USP1: variants seen among roughly 807,000 people sequenced by gnomAD.
USP1 encodes the protein ubiquitin specific peptidase 1, also known as ubiquitin carboxyl-terminal hydrolase 1.
Under a neutral mutation model 72.2 loss-of-function variants are expected in USP1, and 18 were observed. The observed-to-expected ratio is 0.25, with a 90% CI of 0.17 to 0.37. The LOEUF is 0.37. Among genes scored for constraint, USP1 ranks in the 10% least tolerant of loss-of-function variants. USP1 has a pLI of 1.00. For missense variants in USP1, 759 were observed against 884.9 expected (o/e 0.86, Z 1.81); for synonymous variants, 354 against 303.7 (o/e 1.17, Z -1.72).
At position 62,450,596 on chromosome 1, in the gene USP1, T is replaced by C. The variant is rs1645208201; in HGVS notation, c.1973T>C (p.Leu658Ser). The C allele has an allele frequency of 6.2e-7, 1 of 1,613,816 alleles. No homozygotes were observed. The highest frequency in any genetic ancestry group is 1.3e-5 in the African/African-American group (1 of 74,902). The change falls in exon 9 of 9, where the codon TTG becomes TCG. Residue 658 changes from leucine to serine, a missense_variant. Leu to Ser is a moderately radical substitution (Grantham distance 145). Around this residue, in one of 9 missense-constraint regions of USP1, gnomAD observed 159 missense variants for 140.9 expected, o/e 1.13. Transcript: ENST00000339950. ...GGAAATACACAGCCAAGTAAAGTTT[T>C]GAACAAAAAAAATGTAGAAGCTATT... is the stretch of plus-strand genomic sequence containing the variant. Reference protein sequence around the residue: ...VGGNTQPSKVLNKKNVEAIGL... With the variant: ...VGGNTQPSKVSNKKNVEAIGL...
At chr1:62,446,390 A>G (rs775275499) in intron 6 of USP1, among the ~76,000 whole-genome samples, 3 of 152,220 alleles carry the variant, frequency 2.0e-5, no homozygotes, top group Non-Finnish European at 4.4e-5. Context: ...AAGAAAGTTT[A>G]TGAATTTGTT....
Position 62,437,091 on chromosome 1 carries a change from C to A in USP1, c.-379C>A, listed in dbSNP as rs558655749. The A allele has an allele frequency of 1.8e-5, 7 of 398,768 alleles. No individual in the cohort carries two copies. The highest frequency in any genetic ancestry group is 2.1e-5 in the African/African-American group (1 of 48,606). The allele number at this position is 398,768 out of a possible 1,614,324, so 24.7% of individuals were successfully genotyped here. On this transcript the variant is annotated 5_prime_UTR_variant, in exon 1 of 9. Transcript: ENST00000339950. ...CCCTCGGTGGCGGAGTGCTAAAGAC[C>A]CTAGCGGTTCAGGCGTTCGGCGAGC...
At chr1:62,442,382 TG>T (rs1193026993) in intron 4 of USP1, 83 bp downstream of exon 4, 27 of 940,290 alleles carry the variant, frequency 2.9e-5, no homozygotes, top group Non-Finnish European at 3.0e-5. Context: ...TGAAGAGGAC[TG>T]GGGGGGTGGA....
chr1:62,437,108 T>C lies in USP1; in HGVS notation c.-362T>C. On this transcript the variant is annotated 5_prime_UTR_variant, in exon 1 of 9. Transcript: ENST00000339950. Reference sequence around the variant, plus strand: ...CTAAAGACCCTAGCGGTTCAGGCGTTCGGCGAGCGGGGCCGCTGCTTGTTG... The same window carrying C: ...CTAAAGACCCTAGCGGTTCAGGCGTCCGGCGAGCGGGGCCGCTGCTTGTTG... The C allele has an allele frequency of 2.5e-6, 1 of 399,070 alleles. No individual in the cohort carries two copies. Among genetic ancestry groups the C allele is most frequent in the Non-Finnish European group, 4.4e-6 (1 of 226,128 alleles). 24.7% of individuals were successfully genotyped at this position (399,070 alleles called of 1,614,324 possible). A position where few individuals can be genotyped will look rare whatever the true frequency, so the allele number is the denominator to read the frequency against.
At chr1:62,440,096 G>T in intron 2 of USP1, 59 bp downstream of exon 2, 1 of 1,343,750 alleles carries the variant, frequency 7.4e-7, no homozygotes, top group Non-Finnish European at 9.7e-7. Flanking sequence ...AGTGAACTTG[G>T]TTGACAACTC....
rs185715342 is a variant in USP1, at chr1:62,439,258, C to G, written c.-69-541C>G. 4.3e-4 allele frequency among the ~76,000 whole-genome samples: 65 copies of G among 152,254 alleles called. 1 individual carries two copies. Among genetic ancestry groups the G allele is most frequent in the Non-Finnish European group, 2.9e-5 (2 of 68,024 alleles). ...GGAGTGCAATGGCACGATCTCGGCTCACTGCAGCCTCCGCCTCCCGGATTC... is the reference window on the plus strand; with the variant it reads ...GGAGTGCAATGGCACGATCTCGGCTGACTGCAGCCTCCGCCTCCCGGATTC... On this transcript the variant is annotated intron_variant, in intron 1 of 8. Transcript: ENST00000339950.
rs781657972 is a variant in USP1 at position 62,450,307 on chromosome 1, T to C, written c.1684T>C (p.Leu562=). The change falls in exon 9 of 9, where the codon TTG becomes CTG. Residue 562 remains leucine (L), a synonymous_variant. Coordinates refer to ENST00000339950, the MANE Select transcript of USP1 (RefSeq NM_003368.5). ...CACTCCTTTATTGACACCTCTTAAA[T>C]TGTCACTAGAAGAATGGAGCACAAA... is the stretch of plus-strand genomic sequence containing the variant. ...INTPLLTPLK[L]SLEEWSTKPT... is the part of the protein sequence containing the mutation. 1 of 1,614,186 alleles carries C rather than the reference T, an allele frequency of 6.2e-7. No homozygotes were observed. Among genetic ancestry groups the C allele is most frequent in the East Asian group, 2.2e-5 (1 of 44,872 alleles).
rs759637366 is a variant in USP1, at chr1:62,448,478, A to C, written c.1434A>C (p.Pro478=). Residue 478 remains proline (P), a synonymous_variant, in exon 8 of 9, where the codon CCA becomes CCC. Transcript: ENST00000339950. ...VEESSEISPE[P]KTEMKTLRWA... ...TCTCTTTTTTAGTTTCTCCAGAGCC[A>C]AAAACAGAAATGAAGACCCTGAGAT... The C allele has an allele frequency of 8.7e-6, 14 of 1,613,442 alleles. No homozygotes were observed. Among genetic ancestry groups the C allele is most frequent in the Non-Finnish European group, 1.1e-5 (13 of 1,179,644 alleles).
chr1:62,445,237 T>A lies in USP1; in HGVS notation c.1057T>A (p.Ser353Thr), dbSNP rs771085597. ...KSATKQPSIL[S>T]KFCSLGKITT... ...TGCAACTAAGCAACCCAGCATTCTT[T>A]CTAAATTTTGTAGTCTGGGAAAAAT... is the stretch of plus-strand genomic sequence containing the variant. Residue 353 changes from serine (S) to threonine (T), a missense_variant, in exon 6 of 9, where the codon TCT (serine) becomes ACT (threonine). Around this residue, in one of 9 missense-constraint regions of USP1, gnomAD observed 245 missense variants for 240.7 expected, o/e 1.02. Transcript: ENST00000339950. 6.2e-7 allele frequency: 1 copy of A among 1,611,900 alleles called. No homozygotes were observed. The highest frequency in any genetic ancestry group is 2.2e-5 in the East Asian group (1 of 44,816).
At chr1:62,443,916 G>A (rs1362415712) in intron 5 of USP1, among the ~76,000 whole-genome samples, 1 of 152,102 alleles carries the variant, frequency 6.6e-6, no homozygotes. Flanking sequence ...AATCACTTAA[G>A]CATTTAGTTT....
At chr1:62,443,894 A>G (rs1310469344) in intron 5 of USP1, among the ~76,000 whole-genome samples, 1 of 152,200 alleles carries the variant, frequency 6.6e-6, no homozygotes, top group African/African-American at 2.4e-5. Context: ...TTATAGGGCA[A>G]GTCTTTAAAA....
At position 62,447,488 on chromosome 1, in the gene USP1, C is replaced by G. The variant is rs775270830; in HGVS notation, c.1397C>G (p.Ser466Cys). 2 of 1,613,758 alleles carry G rather than the reference C, an allele frequency of 1.2e-6. No individual in the cohort carries two copies. Among genetic ancestry groups the G allele is most frequent in the South Asian group, 2.2e-5 (2 of 91,018 alleles). The change falls in exon 7 of 9, where the codon TCC becomes TGC. Residue 466 changes from serine to cysteine, a missense_variant. Transcript: ENST00000339950. ...GTGCCAGTACAAGAAGATGAGCTTT[C>G]CAAAGTAGAGGAGAGTTCTGAAAGT... is the stretch of plus-strand genomic sequence containing the variant. ...ISVPVQEDEL[S>C]KVEESSEISP...
chr1:62,440,144 A>G, intron 2 of USP1, 107 bp downstream of exon 2: 1 of 1,021,680 alleles, frequency 9.8e-7, no homozygotes, highest in Non-Finnish European at 1.3e-6. Context: ...ACAAAAAAGT[A>G]CGCTTCAGTG....
At chr1:62,440,115 C>T in intron 2 of USP1, 78 bp downstream of exon 2, 2 of 1,278,102 alleles carry the variant, frequency 1.6e-6, no homozygotes, top group Non-Finnish European at 2.1e-6. Context: ...TCCAGTCTGA[C>T]TTGATAGTCT....
intron 4 of USP1, among the ~76,000 whole-genome samples, 194 bp downstream of exon 4, chr1:62,442,493 C>T (rs1283262112): frequency 1.3e-5 from 2 of 151,878 alleles, no homozygotes; most frequent in Non-Finnish European, 2.9e-5. Flanking sequence ...AATGTTTGCT[C>T]CTGTAATCTG....
intron 4 of USP1, 110 bp from the exon 5 acceptor site, chr1:62,443,049 G>A: frequency 8.8e-7 from 1 of 1,133,884 alleles, no homozygotes; most frequent in Non-Finnish European, 1.2e-6. Context: ...TAAAATTAGT[G>A]CTATTATGCA....
chr1:62,446,495 A>G (rs1039665153), intron 6 of USP1, among the ~76,000 whole-genome samples: 5 of 152,258 alleles, frequency 3.3e-5, no homozygotes, highest in Admixed American at 6.5e-5. Context: ...CTGTAGCACA[A>G]TGGTATTTGT....
chr1:62,440,975 C>T (rs1282596679), intron 2 of USP1, among the ~76,000 whole-genome samples: 1 of 151,426 alleles, frequency 6.6e-6, no homozygotes, highest in African/African-American at 2.4e-5. Context: ...CACCCACATT[C>T]TGAACATTTT....
At position 62,439,901 on chromosome 1, in the gene USP1, C is replaced by T. The variant is rs375546956; in HGVS notation, c.34C>T (p.Leu12Phe). The T allele has an allele frequency of 5.9e-6, 9 of 1,533,558 alleles. No individual in the cohort carries two copies. In the African/African-American group the frequency reaches 1.1e-4, roughly 19 times the overall value. The allele number at this position is 1,533,558 out of a possible 1,614,324, so 95.0% of individuals were successfully genotyped here. ...TGTCATACCTAGTGAAAGTAATGGACTTTCAAGAGGTAGCCCTTCAAAGAA... is the reference window on the plus strand; with the variant it reads ...TGTCATACCTAGTGAAAGTAATGGATTTTCAAGAGGTAGCCCTTCAAAGAA... The part of the protein sequence containing the change: ...PGVIPSESNG[L>F]SRGSPSKKNR... Residue 12 changes from leucine to phenylalanine, a missense_variant, in exon 2 of 9, where the codon CTT (leucine) becomes TTT (phenylalanine). Leu to Phe is a conservative substitution (Grantham distance 22). This residue lies in a region of USP1 where 86 missense variants were observed against 82.0 expected (regional missense o/e 1.05). Coordinates refer to ENST00000339950, the MANE Select transcript of USP1 (RefSeq NM_003368.5).
Sources: gnomAD v4.1 joint callset for allele counts (sites outside exome capture counted in the v4.1 genomes callset) on GRCh38, gnomAD v4.1.1 for gene constraint, gnomAD v4.1.1 regional missense constraint, MANE v1.5 for transcripts, NCBI Gene and HGNC (gene_info 2026-07-23, HGNC 2026-07-21) for gene names.